The following MED24 variants were observed in gnomAD, a reference collection of about 807,000 sequenced individuals.
MED24 encodes mediator complex subunit 24, also known as mediator of RNA polymerase II transcription subunit 24.
Under a neutral mutation model 118.8 loss-of-function variants are expected in MED24, and 74 were observed. The ratio of observed to expected loss-of-function variants is 0.62; its 90% CI spans 0.52 to 0.76. The LOEUF (loss-of-function observed/expected upper bound fraction) is 0.76, where lower values mean the gene tolerates loss of function less well. Ranked by LOEUF, MED24 falls within the 30% of genes least tolerant of loss-of-function variation. The pLI is 0.00. For synonymous variants in MED24, 521 were observed against 523.9 expected (o/e 0.99, Z 0.08); for missense variants, 1,041 against 1,278.9 (o/e 0.81, Z 2.84).
chr17:40,019,885 C>T lies in MED24; in HGVS notation c.2753G>A (p.Gly918Asp). 1 of 1,580,488 alleles carries T rather than the reference C, an allele frequency of 6.3e-7. No homozygotes were observed. Among genetic ancestry groups the T allele is most frequent in the Non-Finnish European group, 8.6e-7 (1 of 1,162,402 alleles). ...CCACTGCACGAACTGGGTGTGGGGG[C>T]CAGCGGTGCGAGACCCCAGGATGGA... The part of the protein sequence containing the change: ...ISSILGSRTA[G>D]PHTQFVQWFM... The change falls in exon 25 of 26, where the codon GGC (glycine) becomes GAC (aspartate). Residue 918 changes from glycine to aspartate, a missense_variant. Gly to Asp is a moderately conservative substitution (Grantham distance 94, BLOSUM62 -1). Coordinates refer to ENST00000394128, the MANE Select transcript of MED24 (RefSeq NM_014815.4).
intron 25 of MED24, 42 bp downstream of exon 25, chr17:40,019,743 A>T: frequency 6.2e-7 from 1 of 1,605,274 alleles, no homozygotes; most frequent in South Asian, 1.1e-5. Context: ...GGCTGCCCCG[A>T]GGCCCCAGCA....
intron 3 of MED24, among the ~76,000 whole-genome samples, chr17:40,045,414 T>C (rs574373241): frequency 3.7e-4 from 55 of 149,434 alleles, no homozygotes; most frequent in Admixed American, 1.8e-3. Flanking sequence ...GCCAAGATCG[T>C]GCCACTGCTC....
At chr17:40,034,996 G>A (rs754487133) in intron 6 of MED24, 121 bp downstream of exon 6, 98 of 1,612,660 alleles carry the variant, frequency 6.1e-5, no homozygotes, top group Non-Finnish European at 8.2e-5. Context: ...AAAAAAGGAA[G>A]TGGGATGGTT....
chr17:40,035,808 C>G lies in MED24; in HGVS notation c.253-13G>C, dbSNP rs199580949. 1.2e-5 allele frequency: 19 copies of G among 1,612,014 alleles called. No individual in the cohort carries two copies. Among genetic ancestry groups the G allele is most frequent in the Non-Finnish European group, 1.4e-5 (17 of 1,178,312 alleles). On this transcript the variant is annotated splice_polypyrimidine_tract_variant and intron_variant, in intron 4 of 25. Coordinates refer to ENST00000394128, the MANE Select transcript of MED24 (RefSeq NM_014815.4). ...AAAAGTCATCAAACTGTGGAAAGGACAGTGGAGATGCTACGGAATGCCTCC... is the reference window on the plus strand; with the variant it reads ...AAAAGTCATCAAACTGTGGAAAGGAGAGTGGAGATGCTACGGAATGCCTCC...
chr17:40,022,730 G>A lies in MED24; in HGVS notation c.2347C>T (p.Leu783=), dbSNP rs372533893. 97 of 1,613,824 alleles carry A rather than the reference G, an allele frequency of 6.0e-5. No homozygotes were observed. Among genetic ancestry groups the A allele is most frequent in the Non-Finnish European group, 7.5e-5 (89 of 1,180,000 alleles). ...CLDMQQVTLV[L]LGHILPGLLT... is the part of the protein sequence containing the mutation. Reference sequence around the variant, plus strand: ...AGGCCAGGTAGGATGTGGCCCAGCAGGACCAGGGTCACTTGCTGCATGTCC... The same window carrying A: ...AGGCCAGGTAGGATGTGGCCCAGCAAGACCAGGGTCACTTGCTGCATGTCC... The change falls in exon 21 of 26, where the codon CTG becomes TTG. Residue 783 remains leucine, a synonymous_variant. Coordinates refer to ENST00000394128, the MANE Select transcript of MED24 (RefSeq NM_014815.4).
intron 3 of MED24, among the ~76,000 whole-genome samples, chr17:40,049,730 T>C (rs1305073875): frequency 6.6e-6 from 1 of 151,318 alleles, no homozygotes; most frequent in Non-Finnish European, 1.5e-5. Context: ...TTTCACCATG[T>C]TGTCCAGGAG....
Position 40,033,311 on chromosome 17 carries a change from C to T in MED24, c.671+34G>A, listed in dbSNP as rs1983596801. ...TCCTACCCCAGGGCGTGTCCTCCCT[C>T]TCCCTTCTCCACCATCCCCCAGGGA... On this transcript the variant is annotated intron_variant, in intron 7 of 25. Coordinates refer to ENST00000394128, the MANE Select transcript of MED24 (RefSeq NM_014815.4). This position sits in a 1 kb window ranked among gnomAD's most constrained non-coding sequence, Gnocchi z 5.2. 1 of 1,612,268 alleles carries T rather than the reference C, an allele frequency of 6.2e-7. No individual in the cohort carries two copies. Among genetic ancestry groups the T allele is most frequent in the Non-Finnish European group, 8.5e-7 (1 of 1,179,284 alleles).
Position 40,020,594 on chromosome 17 carries a change from C to T in MED24, c.2624-241G>A, listed in dbSNP as rs1981858605. 7 of 749,618 alleles carry T rather than the reference C, an allele frequency of 9.3e-6. No homozygotes were observed. In the Admixed American group the frequency reaches 1.6e-4, roughly 18 times the overall value. The allele number at this position is 749,618 out of a possible 1,614,324, so 46.4% of individuals were successfully genotyped here. A position where few individuals can be genotyped will look rare whatever the true frequency, so the allele number is the denominator to read the frequency against. Reference sequence around the variant, plus strand: ...CTTGAGTCCAGGAGTTTGAGACCAGCCTTGGCAACTAGCGAGACCTCATCT... The same window carrying T: ...CTTGAGTCCAGGAGTTTGAGACCAGTCTTGGCAACTAGCGAGACCTCATCT... On this transcript the variant is annotated intron_variant, in intron 23 of 25. Coordinates refer to ENST00000394128, the MANE Select transcript of MED24 (RefSeq NM_014815.4).
Position 40,027,028 on chromosome 17 carries a change from G to T in MED24, c.1537C>A (p.Leu513Met), listed in dbSNP as rs1362178080. ...VAQTYGSEVI[L>M]SESRTGAEVP... ...TCAGCTCCTGTGCGCGACTCGGACA[G>T]AATCACCTGGGAAAGGGGAAGGGGG... Residue 513 changes from leucine (L) to methionine (M), a missense_variant, in exon 17 of 26, where the codon CTG becomes ATG. By Grantham distance (15) the Leu-to-Met change is conservative (BLOSUM62 2). Around this residue, in one of 3 missense-constraint regions of MED24, gnomAD observed 587 missense variants for 694.4 expected, o/e 0.85. Coordinates refer to ENST00000394128, the MANE Select transcript of MED24 (RefSeq NM_014815.4). 1 of 1,613,856 alleles carries T rather than the reference G, an allele frequency of 6.2e-7. No individual in the cohort carries two copies. Among genetic ancestry groups the T allele is most frequent in the East Asian group, 2.2e-5 (1 of 44,896 alleles).
chr17:40,050,150 T>G (rs969100672), intron 3 of MED24, among the ~76,000 whole-genome samples: 8 of 54,686 alleles, frequency 1.5e-4, no homozygotes, highest in Non-Finnish European at 6.8e-5. Context: ...AAACTCCGTC[T>G]CAAAAAAAAA....
intron 3 of MED24, among the ~76,000 whole-genome samples, chr17:40,048,259 G>A (rs1027198490): frequency 6.6e-6 from 1 of 152,144 alleles, no homozygotes; most frequent in Non-Finnish European, 1.5e-5. Context: ...TACGGTTCAG[G>A]AACTCCCCAG....
chr17:40,032,590 C>T (rs1380464713), intron 9 of MED24, 59 bp downstream of exon 9: 5 of 1,375,024 alleles, frequency 3.6e-6, no homozygotes, highest in African/African-American at 2.9e-5. Flanking sequence ...TCCAGGGTGC[C>T]ACTGGTCTTG....
At position 40,026,681 on chromosome 17, in the gene MED24, C is replaced by T. The variant is rs370375402; in HGVS notation, c.1775G>A (p.Trp592Ter). The T allele has an allele frequency of 2.2e-5, 36 of 1,611,932 alleles. No individual in the cohort carries two copies. The highest frequency in any genetic ancestry group is 2.8e-5 in the Non-Finnish European group (33 of 1,179,050). Residue 592 changes from tryptophan to a stop codon, truncating the protein, a stop_gained, in exon 18 of 26, where the codon TGG (tryptophan) becomes TAG (stop). Transcript: ENST00000394128. LOFTEE classifies it high-confidence loss of function. ...CTCGAAGGCCAGGACCCCATTCTCC[C>T]AGGCATTGAGGATTTCCAAGATGGC... The part of the protein sequence containing the change: ...SAAILEILNA[W>*]ENGVLAFESI...
intron 15 of MED24, 44 bp from the exon 16 acceptor site, chr17:40,027,509 G>A (rs1982823742): frequency 5.8e-6 from 9 of 1,560,210 alleles, no homozygotes; most frequent in Non-Finnish European, 7.9e-6. Context: ...GAGGGCAGGG[G>A]GGAGCCCGTG....
Position 40,019,891 on chromosome 17 carries a change from G to A in MED24, c.2747C>T (p.Thr916Ile), listed in dbSNP as rs754812266. 178 of 1,578,034 alleles carry A rather than the reference G, an allele frequency of 1.1e-4. No individual in the cohort carries two copies. Among genetic ancestry groups the A allele is most frequent in the Non-Finnish European group, 1.5e-4 (169 of 1,161,082 alleles). ...LLISSILGSR[T>I]AGPHTQFVQW... ...CACGAACTGGGTGTGGGGGCCAGCG[G>A]TGCGAGACCCCAGGATGGAGGAGAT... is the stretch of plus-strand genomic sequence containing the variant. Residue 916 changes from threonine (T) to isoleucine (I), a missense_variant, in exon 25 of 26, where the codon ACC becomes ATC. Physicochemically the swap from Thr to Ile is moderately conservative, Grantham distance 89. Transcript: ENST00000394128.
At chr17:40,028,024 A>T (rs1347452088) in intron 14 of MED24, 78 bp from the exon 15 acceptor site, 9 of 1,395,384 alleles carry the variant, frequency 6.4e-6, no homozygotes, top group Admixed American at 3.4e-5. Context: ...ACACATGTTC[A>T]GAGAGCGATA....
Position 40,028,766 on chromosome 17 carries a change from C to A in MED24, c.1409+60G>T. ...CAGGCACCTGACTCCTACCCTGCTA[C>A]CTCCTCCCAACGCGCAGCCTCCCTG... is the stretch of plus-strand genomic sequence containing the variant. On this transcript the variant is annotated intron_variant, in intron 14 of 25. Coordinates refer to ENST00000394128, the MANE Select transcript of MED24 (RefSeq NM_014815.4). 1.9e-6 allele frequency: 3 copies of A among 1,596,818 alleles called. No individual in the cohort carries two copies. In the Admixed American group the frequency reaches 5.1e-5, roughly 27 times the overall value.
At chr17:40,023,039 C>A in intron 20 of MED24, 92 bp downstream of exon 20, 1 of 1,511,322 alleles carries the variant, frequency 6.6e-7, no homozygotes, top group Non-Finnish European at 8.9e-7. Flanking sequence ...TGGCTCACGG[C>A]AGCCTCTCAG....
chr17:40,032,030 A>C lies in MED24; in HGVS notation c.984+13T>G. On this transcript the variant is annotated intron_variant, in intron 10 of 25. Transcript: ENST00000394128. ...TTTCTGCTCCCATGCCTCCATCTCA[A>C]TCCCCAACTCACCTTGTCTCCATGA... is the stretch of plus-strand genomic sequence containing the variant. The C allele has an allele frequency of 6.2e-7, 1 of 1,613,194 alleles. No homozygotes were observed. The highest frequency in any genetic ancestry group is 8.5e-7 in the Non-Finnish European group (1 of 1,179,526).
Sources: gnomAD v4.1 joint callset for allele counts (sites outside exome capture counted in the v4.1 genomes callset) on GRCh38, gnomAD v4.1.1 for gene constraint, gnomAD v4.1.1 regional missense constraint, Gnocchi (gnomAD v3.1) non-coding constraint, MANE v1.5 for transcripts, NCBI Gene and HGNC (gene_info 2026-07-23, HGNC 2026-07-21) for gene names.